Variants in SEPTIN9 observed in about 807,000 individuals in gnomAD.
SEPTIN9 encodes septin 9, also known as septin-9.
In SEPTIN9, 13 loss-of-function variants were observed where a neutral mutation model predicts 56.6. The ratio of observed to expected loss-of-function variants is 0.23; its 90% CI spans 0.15 to 0.37. The LOEUF (loss-of-function observed/expected upper bound fraction) is 0.37. Ranked by LOEUF, SEPTIN9 falls within the 10% of genes least tolerant of loss-of-function variation. The pLI, the probability that SEPTIN9 is intolerant of heterozygous loss-of-function variation, is 1.00. For synonymous variants in SEPTIN9, 332 were observed against 334.1 expected, an observed-to-expected ratio of 0.99 and a Z score of 0.07; for missense variants, 650 against 823.1, an observed-to-expected ratio of 0.79 and a Z score of 2.57.
intron 3 of SEPTIN9, among the ~76,000 whole-genome samples, chr17:77,480,724 C>G (rs1053359528): frequency 1.3e-5 from 2 of 151,766 alleles, no homozygotes; most frequent in African/African-American, 4.9e-5. Flanking sequence ...GGAAAAGCCA[C>G]TCCCCTCCCG....
chr17:77,450,411 CA>C lies in SEPTIN9; in HGVS notation c.722-31730del. On this transcript the variant is annotated intron_variant, in intron 3 of 11. Transcript: ENST00000427177. The surrounding 1 kb of genome is among the most constrained non-coding windows in gnomAD (Gnocchi z 6.0). The stretch of plus-strand genomic sequence containing the variant: ...GCCCCTGGCCCTCAGAAGGTGTCAC[CA>C]AAGGCTTCTTTCCATTTGAGTGAAT... 1 of 925,400 alleles carries C rather than the reference CA, an allele frequency of 1.1e-6. No individual in the cohort carries two copies. Among genetic ancestry groups the C allele is most frequent in the Non-Finnish European group, 1.3e-6 (1 of 775,076 alleles). 57.3% of individuals were successfully genotyped at this position (925,400 alleles called of 1,614,324 possible). A position where few individuals can be genotyped will look rare whatever the true frequency, so the allele number is the denominator to read the frequency against.
At chr17:77,338,279 A>G (rs1476863113) in intron 2 of SEPTIN9, among the ~76,000 whole-genome samples, 4 of 152,170 alleles carry the variant, frequency 2.6e-5, no homozygotes, top group Non-Finnish European at 5.9e-5. Context: ...TTGCTAAAAA[A>G]TGCTAATAAT....
At chr17:77,346,704 A>G (rs957104949) in intron 2 of SEPTIN9, among the ~76,000 whole-genome samples, 8 of 152,160 alleles carry the variant, frequency 5.3e-5, no homozygotes, top group Non-Finnish European at 1.2e-4. Flanking sequence ...GCTAGTTACC[A>G]GTGTTCTTCA....
intron 2 of SEPTIN9, among the ~76,000 whole-genome samples, chr17:77,335,140 G>A (rs1031695763): frequency 1.1e-4 from 17 of 149,604 alleles, no homozygotes; most frequent in East Asian, 4.0e-4. Context: ...ATATATACAT[G>A]TAGGCCCTAT....
At chr17:77,490,921 G>T in intron 8 of SEPTIN9, 62 bp downstream of exon 8, 2 of 1,284,542 alleles carry the variant, frequency 1.6e-6, no homozygotes, top group South Asian at 1.3e-5. Context: ...TGCAGGCCTG[G>T]CAGGGGCCAC....
intron 2 of SEPTIN9, among the ~76,000 whole-genome samples, chr17:77,395,533 A>G (rs1179620983): frequency 1.3e-5 from 2 of 151,966 alleles, no homozygotes; most frequent in Admixed American, 6.6e-5. Context: ...TCTCAAAAAA[A>G]AAAAAAAAAA....
intron 3 of SEPTIN9, among the ~76,000 whole-genome samples, chr17:77,422,862 A>T (rs2036755203): frequency 6.6e-6 from 1 of 151,990 alleles, no homozygotes; most frequent in Non-Finnish European, 1.5e-5. Context: ...CTGCTTGTCT[A>T]GCAGCCTCCA....
At chr17:77,301,155 C>T (rs892176393) in intron 1 of SEPTIN9, among the ~76,000 whole-genome samples, 10 of 152,018 alleles carry the variant, frequency 6.6e-5, no homozygotes, top group East Asian at 1.9e-4. Context: ...GGGGGAGGCA[C>T]GGATGACCAG....
Position 77,450,838 on chromosome 17 carries a change from C to T in SEPTIN9, c.722-31306C>T. 1 of 982,294 alleles carries T rather than the reference C, an allele frequency of 1.0e-6. No individual in the cohort carries two copies. The highest frequency in any genetic ancestry group is 1.2e-6 in the Non-Finnish European group (1 of 826,992). The allele number at this position is 982,294 out of a possible 1,614,324, so 60.8% of individuals were successfully genotyped here. ...CTCCTCTCCTGCTCCTTCTCCCTTC[C>T]ATGGTCCCAGCCAGCAAGCACCTGG... On this transcript the variant is annotated intron_variant, in intron 3 of 11. Coordinates refer to ENST00000427177, the MANE Select transcript of SEPTIN9 (RefSeq NM_001113491.2). This position sits in a 1 kb window ranked among gnomAD's most constrained non-coding sequence, Gnocchi z 6.0.
At chr17:77,373,406 C>T (rs1433276885) in intron 2 of SEPTIN9, 9 of 1,260,486 alleles carry the variant, frequency 7.1e-6, no homozygotes, top group Middle Eastern at 3.1e-4. Context: ...GGAGCGCGGG[C>T]GCGGCGCCCC....
chr17:77,406,904 C>T (rs373339721), intron 3 of SEPTIN9, among the ~76,000 whole-genome samples: 32 of 152,170 alleles, frequency 2.1e-4, no homozygotes, highest in South Asian at 1.0e-3. Context: ...CTCCTGACCT[C>T]GTGACCCACC....
At chr17:77,287,225 A>T (rs573736329) in intron 1 of SEPTIN9, among the ~76,000 whole-genome samples, 7 of 152,220 alleles carry the variant, frequency 4.6e-5, no homozygotes, top group Non-Finnish European at 1.0e-4. Context: ...GATGCCAGGC[A>T]TGGGGATCGT....
Position 77,308,687 on chromosome 17 carries a change from A to G in SEPTIN9, c.76+1490A>G, listed in dbSNP as rs895625215. Among the ~76,000 whole-genome samples the G allele has an allele frequency of 4.6e-5, 7 of 152,358 alleles. No individual in the cohort carries two copies. In the East Asian group the frequency reaches 1.3e-3, roughly 29 times the overall value. On this transcript the variant is annotated intron_variant, in intron 2 of 11. Transcript: ENST00000427177. ...CTGGCACCTGAGACCTCAGAATTCT[A>G]GACCCAAAGCCTGCTTCTGATCCTG...
intron 3 of SEPTIN9, among the ~76,000 whole-genome samples, chr17:77,458,461 G>A (rs72887158): frequency 0.01 from 1,547 of 152,342 alleles, 11 homozygotes; most frequent in Middle Eastern, 0.02. Context: ...CCACTCGAGG[G>A]TAGAGTGACT....
At position 77,436,398 on chromosome 17, in the gene SEPTIN9, G is replaced by A. The variant is rs1001589702; in HGVS notation, c.721+33695G>A. ...GAGAGAGGGTTTCCAATAAGCAGAG[G>A]ATGGAGTGAATGTGAGATTCATTAC... is the stretch of plus-strand genomic sequence containing the variant. On this transcript the variant is annotated intron_variant, in intron 3 of 11. Coordinates refer to ENST00000427177, the MANE Select transcript of SEPTIN9 (RefSeq NM_001113491.2). The surrounding 1 kb of genome is among the most constrained non-coding windows in gnomAD (Gnocchi z 4.4). Among the ~76,000 whole-genome samples the A allele has an allele frequency of 6.6e-6, 1 of 152,122 alleles. No individual in the cohort carries two copies. The highest frequency in any genetic ancestry group is 1.9e-4 in the East Asian group (1 of 5,186).
At position 77,421,780 on chromosome 17, in the gene SEPTIN9, G is replaced by A. The variant is rs1163041314; in HGVS notation, c.721+19077G>A. 2.6e-5 allele frequency among the ~76,000 whole-genome samples: 4 copies of A among 152,096 alleles called. No homozygotes were observed. The highest frequency in any genetic ancestry group is 1.9e-4 in the East Asian group (1 of 5,180). On this transcript the variant is annotated intron_variant, in intron 3 of 11. Transcript: ENST00000427177. This position sits in a 1 kb window ranked among gnomAD's most constrained non-coding sequence, Gnocchi z 4.6. Reference sequence around the variant, plus strand: ...TGCTAGTGGATGGGTCTTCACCCTCGGGGATTGGCAGCTGCCACGCTCATT... The same window carrying A: ...TGCTAGTGGATGGGTCTTCACCCTCAGGGATTGGCAGCTGCCACGCTCATT...
chr17:77,417,366 A>C (rs1315025331), intron 3 of SEPTIN9, among the ~76,000 whole-genome samples: 1 of 152,174 alleles, frequency 6.6e-6, no homozygotes, highest in East Asian at 1.9e-4. Flanking sequence ...CACAGGTGCA[A>C]GGGTTTGGGT....
intron 3 of SEPTIN9, among the ~76,000 whole-genome samples, chr17:77,478,023 A>ACAGGTGTTAACC (rs1181541068): frequency 1.3e-5 from 2 of 152,020 alleles, no homozygotes; most frequent in Non-Finnish European, 2.9e-5. Context: ...GGGGGGGGTC[A>ACAGGTGTTAACC]CAGGTGTTAA....
intron 2 of SEPTIN9, among the ~76,000 whole-genome samples, chr17:77,325,870 C>A (rs973790001): frequency 6.6e-6 from 1 of 152,210 alleles, no homozygotes; most frequent in Non-Finnish European, 1.5e-5. Context: ...CCCCTCCCAC[C>A]CACCACATGG....
Sources: gnomAD v4.1 joint callset for allele counts (sites outside exome capture counted in the v4.1 genomes callset) on GRCh38, gnomAD v4.1.1 for gene constraint, Gnocchi (gnomAD v3.1) non-coding constraint, MANE v1.5 for transcripts, NCBI Gene and HGNC (gene_info 2026-07-23, HGNC 2026-07-21) for gene names.